The following NBEA variants were observed in gnomAD, a reference collection of about 807,000 sequenced individuals.
NBEA encodes lysosomal-trafficking regulator 2.
NBEA carries 44 observed loss-of-function variants against 343.4 expected under a neutral mutation model. That is an observed-to-expected ratio of 0.13 (90% confidence interval 0.10 to 0.16). The LOEUF (loss-of-function observed/expected upper bound fraction) is 0.16. Among genes scored for constraint, NBEA ranks in the 10% least tolerant of loss-of-function variants. NBEA has a pLI of 1.00. For missense variants in NBEA, 2,555 were observed against 3,631.3 expected, an observed-to-expected ratio of 0.70 and a Z score of 7.62; for synonymous variants, 1,175 against 1,238.7, an observed-to-expected ratio of 0.95 and a Z score of 1.08.
rs1363126458 is a variant in NBEA at position 35,182,487 on chromosome 13, G to A, written c.4790G>A (p.Gly1597Asp). 1.2e-6 allele frequency: 2 copies of A among 1,610,068 alleles called. No homozygotes were observed. Among genetic ancestry groups the A allele is most frequent in the Non-Finnish European group, 8.5e-7 (1 of 1,177,442 alleles). Reference protein sequence around the residue: ...RETTRTGSQPGRNIRQEINSP... With the variant: ...RETTRTGSQPDRNIRQEINSP... ...ACTACAAGAACTGGAAGCCAACCAG[G>A]TAGAAACATCAGGCAAGAAATAAAT... The change falls in exon 29 of 59, where the codon GGT becomes GAT. Residue 1597 changes from glycine (G) to aspartate (D), a missense_variant. Physicochemically the swap from Gly to Asp is moderately conservative, Grantham distance 94 (BLOSUM62 -1). Around this residue, in one of 21 missense-constraint regions of NBEA, gnomAD observed 270 missense variants for 293.3 expected, o/e 0.92. Coordinates refer to ENST00000379939, the MANE Select transcript of NBEA (RefSeq NM_001385012.1).
chr13:35,339,746 G>T (rs1018206975), intron 36 of NBEA, among the ~76,000 whole-genome samples: 4 of 152,080 alleles, frequency 2.6e-5, no homozygotes, highest in Admixed American at 6.6e-5. Context: ...GCAAGAGAGA[G>T]GTGGGAGGTG....
intron 48 of NBEA, among the ~76,000 whole-genome samples, chr13:35,623,560 C>T (rs894507709): frequency 2.6e-5 from 4 of 151,994 alleles, no homozygotes; most frequent in Non-Finnish European, 5.9e-5. Context: ...AATTATTTAA[C>T]TATAATTAAT....
intron 49 of NBEA, among the ~76,000 whole-genome samples, chr13:35,640,618 G>T (rs896746160): frequency 2.0e-5 from 3 of 152,166 alleles, no homozygotes; most frequent in Non-Finnish European, 4.4e-5. Flanking sequence ...CTGCAGAATT[G>T]TATAAAGGAG....
chr13:35,518,176 T>C (rs967700897), intron 41 of NBEA, among the ~76,000 whole-genome samples: 3 of 152,174 alleles, frequency 2.0e-5, no homozygotes, highest in Non-Finnish European at 4.4e-5. Context: ...CTTGAGAAGA[T>C]ACTGCTCTTT....
intron 1 of NBEA, among the ~76,000 whole-genome samples, chr13:34,975,107 A>G (rs545318846): frequency 1.8e-4 from 27 of 152,314 alleles, no homozygotes; most frequent in African/African-American, 6.3e-4. Context: ...ATGGCTGCAC[A>G]AGACTCAAGC....
At chr13:35,591,728 G>A (rs990646230) in intron 46 of NBEA, among the ~76,000 whole-genome samples, 11 of 152,054 alleles carry the variant, frequency 7.2e-5, no homozygotes, top group Admixed American at 3.9e-4. Context: ...CCAACAGCCA[G>A]CCCTTAAGGT....
At chr13:35,110,521 A>G (rs1446585652) in intron 12 of NBEA, among the ~76,000 whole-genome samples, 1 of 152,144 alleles carries the variant, frequency 6.6e-6, no homozygotes, top group Non-Finnish European at 1.5e-5. Context: ...AAATATTTTA[A>G]TCTTTTTATC....
At chr13:35,032,383 T>C (rs112133318) in intron 1 of NBEA, among the ~76,000 whole-genome samples, 15,945 of 151,754 alleles carry the variant, frequency 0.11, 995 homozygotes, top group African/African-American at 0.16. Context: ...TTTTGATTTG[T>C]ATTTCTCTAA....
At chr13:35,043,584 AT>A (rs1188714050) in intron 2 of NBEA, among the ~76,000 whole-genome samples, 1 of 151,856 alleles carries the variant, frequency 6.6e-6, no homozygotes. Flanking sequence ...ATTTTAATAC[AT>A]TTTTGTTGCT....
Position 35,540,065 on chromosome 13 carries a change from T to TA in NBEA, c.6586-10411dup, listed in dbSNP as rs569277594. On this transcript the variant is annotated intron_variant, in intron 41 of 58. Coordinates refer to ENST00000379939, the MANE Select transcript of NBEA (RefSeq NM_001385012.1). Reference sequence around the variant, plus strand: ...ATTGCTACAATCATTACTGCAACTCTACCCTGTAATCTTGTTTCATTCTGG... The same window carrying TA: ...ATTGCTACAATCATTACTGCAACTCTAACCCTGTAATCTTGTTTCATTCTGG... Among the ~76,000 whole-genome samples the TA allele has an allele frequency of 2.4e-3, 366 of 152,096 alleles. 2 individuals are homozygous for TA. Among genetic ancestry groups the TA allele is most frequent in the African/African-American group, 8.6e-3 (356 of 41,548 alleles).
At chr13:35,191,280 A>G (rs1490079896) in intron 30 of NBEA, among the ~76,000 whole-genome samples, 1 of 152,134 alleles carries the variant, frequency 6.6e-6, no homozygotes, top group Non-Finnish European at 1.5e-5. Flanking sequence ...AAAATCATTA[A>G]TATATATGTC....
chr13:34,998,895 G>A (rs960112791), intron 1 of NBEA, among the ~76,000 whole-genome samples: 2 of 152,122 alleles, frequency 1.3e-5, no homozygotes, highest in African/African-American at 4.8e-5. Flanking sequence ...TATTGATTGG[G>A]GAAGTGATAA....
intron 49 of NBEA, among the ~76,000 whole-genome samples, chr13:35,641,483 T>TA (rs745661595): frequency 3.9e-4 from 59 of 152,206 alleles, no homozygotes; most frequent in South Asian, 1.7e-3. Flanking sequence ...GGGAATACTA[T>TA]ACAGCAAAAG....
intron 18 of NBEA, among the ~76,000 whole-genome samples, chr13:35,146,837 C>A (rs1233093204): frequency 1.3e-5 from 2 of 152,114 alleles, no homozygotes; most frequent in Non-Finnish European, 2.9e-5. Context: ...TTATTGAATA[C>A]CACAAAAGCC....
At chr13:35,477,128 T>G (rs956036195) in intron 41 of NBEA, 1 of 166,946 alleles carries the variant, frequency 6.0e-6, no homozygotes, top group African/African-American at 2.4e-5. Flanking sequence ...TGGGGTCTTC[T>G]TAAATGCAGG....
At chr13:35,187,033 AAC>A (rs1593662402) in intron 30 of NBEA, among the ~76,000 whole-genome samples, 2 of 152,164 alleles carry the variant, frequency 1.3e-5, no homozygotes, top group East Asian at 3.9e-4. Flanking sequence ...CTAAAACTTT[AAC>A]AAAGTTTTAA....
intron 34 of NBEA, among the ~76,000 whole-genome samples, chr13:35,255,435 G>T (rs1453952078): frequency 6.6e-6 from 1 of 152,244 alleles, no homozygotes; most frequent in African/African-American, 2.4e-5. Flanking sequence ...ATGCGAGCCA[G>T]GCACAGAGCA....
chr13:35,564,969 A>T (rs760149550), intron 44 of NBEA, among the ~76,000 whole-genome samples: 9 of 152,222 alleles, frequency 5.9e-5, no homozygotes, highest in Non-Finnish European at 1.3e-4. Context: ...ACACACAGAG[A>T]TTAAAACAAA....
In NBEA at chr13:35,118,427, A is replaced by C; in HGVS notation, c.2196A>C (p.Glu732Asp). Residue 732 changes from glutamate to aspartate, a missense_variant, in exon 16 of 59, where the codon GAA becomes GAC. Physicochemically the swap from Glu to Asp is conservative, Grantham distance 45 (BLOSUM62 2). Transcript: ENST00000379939. ...VLQLLVALMS[E>D]HPASMIPAFD... ...AGTTACTGGTGGCTTTAATGTCGGA[A>C]CACCCAGCCTCAATGATACCAGCAT... 1 of 1,607,252 alleles carries C rather than the reference A, an allele frequency of 6.2e-7. No individual in the cohort carries two copies. Among genetic ancestry groups the C allele is most frequent in the South Asian group, 1.1e-5 (1 of 89,978 alleles).
Sources: allele counts gnomAD v4.1 joint callset (sites outside exome capture counted in the v4.1 genomes callset), GRCh38; gene constraint gnomAD v4.1.1; regional missense constraint gnomAD v4.1.1; transcripts MANE v1.5; gene names NCBI Gene and HGNC (gene_info 2026-07-23, HGNC 2026-07-21).